The following STAT1 variants were observed in gnomAD, a reference collection of about 807,000 sequenced individuals.
The protein encoded by STAT1 is signal transducer and activator of transcription 1-alpha/beta.
STAT1 carries 24 observed loss-of-function variants against 111.7 expected under a neutral mutation model. The observed-to-expected ratio is 0.21, with a 90% CI of 0.16 to 0.30. STAT1 has a LOEUF of 0.30. Ranked by LOEUF, STAT1 falls within the 10% of genes least tolerant of loss-of-function variation. The probability of loss-of-function intolerance (pLI) is 1.00; values close to 1 mark genes in which losing one functional copy is unlikely to be tolerated. For synonymous variants in STAT1, 332 were observed against 326.5 expected (o/e 1.02, Z -0.18); for missense variants, 351 against 911.9 (o/e 0.38, Z 7.92).
rs1271983027 is a variant in STAT1 at position 191,003,080 on chromosome 2, G to C, written c.373-1917C>G. Among the ~76,000 whole-genome samples the C allele has an allele frequency of 6.6e-6, 1 of 152,020 alleles. No homozygotes were observed. The highest frequency in any genetic ancestry group is 1.5e-5 in the Non-Finnish European group (1 of 67,994). ...TATATTGATACTCATAAGTAAAATT[G>C]GTCCATAATTTTTTGTTTTATCTTT... On this transcript the variant is annotated intron_variant, in intron 5 of 24. Transcript: ENST00000361099. This position sits in a 1 kb window ranked among gnomAD's most constrained non-coding sequence, Gnocchi z 4.0.
At chr2:191,011,534 TC>T (rs1695116955) in intron 2 of STAT1, among the ~76,000 whole-genome samples, 1 of 152,158 alleles carries the variant, frequency 6.6e-6, no homozygotes, top group Non-Finnish European at 1.5e-5. Context: ...TCCTCCCACC[TC>T]AGCCTCCCAA....
At chr2:190,992,099 C>A (rs1693397437) in intron 10 of STAT1, among the ~76,000 whole-genome samples, 1 of 152,142 alleles carries the variant, frequency 6.6e-6, no homozygotes, top group African/African-American at 2.4e-5. Flanking sequence ...TAGTATGCAA[C>A]AAATTACAAT....
rs1691450759 is a variant in STAT1 at position 190,971,388 on chromosome 2, T to C, written c.2239-671A>G. 6.6e-6 allele frequency among the ~76,000 whole-genome samples: 1 copy of C among 152,160 alleles called. No individual in the cohort carries two copies. The highest frequency in any genetic ancestry group is 1.5e-5 in the Non-Finnish European group (1 of 68,026). ...GCTGAAGACATTGCTGATTGTCCCATCTGGCTGTGAGGGTGCATGTGCTTA... is the reference window on the plus strand; with the variant it reads ...GCTGAAGACATTGCTGATTGTCCCACCTGGCTGTGAGGGTGCATGTGCTTA... On this transcript the variant is annotated intron_variant, in intron 24 of 24. Transcript: ENST00000361099. This position sits in a 1 kb window ranked among gnomAD's most constrained non-coding sequence, Gnocchi z 4.1.
rs1431272774 is a variant in STAT1 at position 190,997,657 on chromosome 2, G to A, written c.785+199C>T. On this transcript the variant is annotated intron_variant, in intron 9 of 24. Transcript: ENST00000361099. The surrounding 1 kb of genome is among the most constrained non-coding windows in gnomAD (Gnocchi z 7.3). ...CAGGAGTGCTCCAAACCAAGCAGAC[G>A]TGGCTGAACGTGGCGAGAGTCATGA... is the stretch of plus-strand genomic sequence containing the variant. Among the ~76,000 whole-genome samples the A allele has an allele frequency of 2.0e-5, 3 of 152,130 alleles. No individual in the cohort carries two copies. Among genetic ancestry groups the A allele is most frequent in the Non-Finnish European group, 2.9e-5 (2 of 68,032 alleles).
Position 190,981,807 on chromosome 2 carries a change from A to G in STAT1, c.1582+576T>C, listed in dbSNP as rs1692415214. ...AGACTAGTGGATCTTTGATTTGTTTAGTATGAAGGACTAATAAATGCACTG... is the reference window on the plus strand; with the variant it reads ...AGACTAGTGGATCTTTGATTTGTTTGGTATGAAGGACTAATAAATGCACTG... On this transcript the variant is annotated intron_variant, in intron 18 of 24. Coordinates refer to ENST00000361099, the MANE Select transcript of STAT1 (RefSeq NM_007315.4). The surrounding 1 kb of genome is among the most constrained non-coding windows in gnomAD (Gnocchi z 4.1). 6.6e-6 allele frequency among the ~76,000 whole-genome samples: 1 copy of G among 152,270 alleles called. No homozygotes were observed. Among genetic ancestry groups the G allele is most frequent in the Non-Finnish European group, 1.5e-5 (1 of 68,050 alleles).
rs1390638967 is a variant in STAT1, at chr2:190,990,410, A to G, written c.1038-736T>C. Among the ~76,000 whole-genome samples the G allele has an allele frequency of 6.6e-6, 1 of 152,252 alleles. No homozygotes were observed. The highest frequency in any genetic ancestry group is 1.5e-5 in the Non-Finnish European group (1 of 68,042). ...AGGACCCGGGCCAACTATGAAGGCC[A>G]GTCCAGTTCTTCAGCGTCTAGCTAC... On this transcript the variant is annotated intron_variant, in intron 11 of 24. Coordinates refer to ENST00000361099, the MANE Select transcript of STAT1 (RefSeq NM_007315.4). This position sits in a 1 kb window ranked among gnomAD's most constrained non-coding sequence, Gnocchi z 5.1.
At chr2:191,013,908 T>C in intron 1 of STAT1, 110 bp downstream of exon 1, 1 of 366,926 alleles carries the variant, frequency 2.7e-6, no homozygotes. Flanking sequence ...GGATCACTAT[T>C]CGCGGGTCAG....
Position 190,976,224 on chromosome 2 carries a change from G to A in STAT1, c.2060-337C>T, listed in dbSNP as rs923727304. Among the ~76,000 whole-genome samples, 16 of 152,346 alleles carry A rather than the reference G, an allele frequency of 1.1e-4. No homozygotes were observed. Among genetic ancestry groups the A allele is most frequent in the Non-Finnish European group, 2.2e-4 (15 of 68,020 alleles). ...GTTTATTGGCATTAGCCTGGCTAAT[G>A]AATATTCACAGCTGTCAAGGTAAGC... is the stretch of plus-strand genomic sequence containing the variant. On this transcript the variant is annotated intron_variant, in intron 22 of 24. Transcript: ENST00000361099. This position sits in a 1 kb window ranked among gnomAD's most constrained non-coding sequence, Gnocchi z 6.0.
chr2:190,986,880 T>G lies in STAT1; in HGVS notation c.1195A>C (p.Ser399Arg). The G allele has an allele frequency of 1.2e-6, 2 of 1,614,236 alleles. No individual in the cohort carries two copies. Residue 399 changes from serine (S) to arginine (R), a missense_variant, in exon 14 of 25, where the codon AGT (serine) becomes CGT (arginine). By Grantham distance (110) the Ser-to-Arg change is moderately radical. Around this residue, in one of 7 missense-constraint regions of STAT1, gnomAD observed 23 missense variants for 123.1 expected, o/e 0.19. Coordinates refer to ENST00000361099, the MANE Select transcript of STAT1 (RefSeq NM_007315.4). This position sits in a 1 kb window ranked among gnomAD's most constrained non-coding sequence, Gnocchi z 5.0. ...AGGTGCCGAAATTCAGCCGCCAGAC[T>G]GCCATTGGTGGACTCCTCCATGTTC... is the stretch of plus-strand genomic sequence containing the variant. Reference protein sequence around the residue: ...VMNMEESTNGSLAAEFRHLQL... With the variant: ...VMNMEESTNGRLAAEFRHLQL...
chr2:190,983,739 G>A lies in STAT1; in HGVS notation c.1349C>T (p.Thr450Met), dbSNP rs527393923. The A allele has an allele frequency of 9.3e-6, 15 of 1,613,932 alleles. No homozygotes were observed. The African/African-American group carries it at 1.1e-4, about 11-fold the overall frequency. Residue 450 changes from threonine to methionine, a missense_variant and splice_region_variant, in exon 17 of 25, where the codon ACG (threonine) becomes ATG (methionine). Thr to Met is a moderately conservative substitution (Grantham distance 81). Coordinates refer to ENST00000361099, the MANE Select transcript of STAT1 (RefSeq NM_007315.4). This position sits in a 1 kb window ranked among gnomAD's most constrained non-coding sequence, Gnocchi z 5.7. ...CQPGLVIDLE[T>M]TSLPVVVISN... is the part of the protein sequence containing the mutation. ...GATCACCACAACGGGCAGAGAGGTC[G>A]TCTAAAGGATGACAAAGACCTTGAA...
chr2:191,007,665 G>C lies in STAT1; in HGVS notation c.274-4C>G, dbSNP rs377209172. On this transcript the variant is annotated splice_region_variant and splice_polypyrimidine_tract_variant and intron_variant, in intron 4 of 24. Transcript: ENST00000361099. This position sits in a 1 kb window ranked among gnomAD's most constrained non-coding sequence, Gnocchi z 4.2. ...TTGGGTCTTCCTGAAAATTATCCTA[G>C]ATTTGAGTGGTTAGAACAAAAATAA... 221 of 1,595,256 alleles carry C rather than the reference G, an allele frequency of 1.4e-4. No homozygotes were observed. Among genetic ancestry groups the C allele is most frequent in the Non-Finnish European group, 1.8e-4 (207 of 1,163,408 alleles).
rs1035917437 is a variant in STAT1 at position 191,007,088 on chromosome 2, T to G, written c.372+475A>C. ...TAATCCTTCAACATAAGGATCCTTCTATATTGGTATCACATCCAAAGCATA... is the reference window on the plus strand; with the variant it reads ...TAATCCTTCAACATAAGGATCCTTCGATATTGGTATCACATCCAAAGCATA... On this transcript the variant is annotated intron_variant, in intron 5 of 24. Coordinates refer to ENST00000361099, the MANE Select transcript of STAT1 (RefSeq NM_007315.4). The surrounding 1 kb of genome is among the most constrained non-coding windows in gnomAD (Gnocchi z 4.2). Among the ~76,000 whole-genome samples, 25 of 152,220 alleles carry G rather than the reference T, an allele frequency of 1.6e-4. No individual in the cohort carries two copies. The highest frequency in any genetic ancestry group is 6.0e-4 in the African/African-American group (25 of 41,452).
chr2:191,009,906 T>C lies in STAT1; in HGVS notation c.98A>G (p.Tyr33Cys). The change falls in exon 3 of 25, where the codon TAC (tyrosine) becomes TGC (cysteine). Residue 33 changes from tyrosine (Y) to cysteine (C), a missense_variant. Tyr to Cys is a radical substitution (Grantham distance 194, BLOSUM62 -2). Around this residue, in one of 7 missense-constraint regions of STAT1, gnomAD observed 44 missense variants for 144.2 expected, o/e 0.31. Coordinates refer to ENST00000361099, the MANE Select transcript of STAT1 (RefSeq NM_007315.4). ...TTGCTTTTCTAACCACTGTGCCAGG[T>C]ACTGTCTGATTTCCATGGGAAAACT... is the stretch of plus-strand genomic sequence containing the variant. ...DDSFPMEIRQ[Y>C]LAQWLEKQDW... 1 of 1,614,040 alleles carries C rather than the reference T, an allele frequency of 6.2e-7. No homozygotes were observed. Among genetic ancestry groups the C allele is most frequent in the East Asian group, 2.2e-5 (1 of 44,864 alleles).
At chr2:191,008,085 G>T (rs1410447087) in intron 4 of STAT1, 1 of 435,874 alleles carries the variant, frequency 2.3e-6, no homozygotes, top group Non-Finnish European at 4.6e-6. Context: ...AGGGTTTTCT[G>T]TTGCCATTGT....
Position 190,987,440 on chromosome 2 carries a change from T to C in STAT1, c.1098-372A>G, listed in dbSNP as rs1163836066. 5.3e-5 allele frequency among the ~76,000 whole-genome samples: 8 copies of C among 152,348 alleles called. No homozygotes were observed. The East Asian group carries it at 1.5e-3, about 29-fold the overall frequency. On this transcript the variant is annotated intron_variant, in intron 12 of 24. Coordinates refer to ENST00000361099, the MANE Select transcript of STAT1 (RefSeq NM_007315.4). The surrounding 1 kb of genome is among the most constrained non-coding windows in gnomAD (Gnocchi z 4.0). ...TCAATAAATGTTTAAGCTATCGTTA[T>C]TGTTTATTGAGCAGCTACTTGGTGC...
chr2:190,974,973 G>A lies in STAT1; in HGVS notation c.2136-41C>T. The A allele has an allele frequency of 2.1e-6, 3 of 1,427,590 alleles. No homozygotes were observed. Among genetic ancestry groups the A allele is most frequent in the East Asian group, 2.3e-5 (1 of 43,906 alleles). The allele number at this position is 1,427,590 out of a possible 1,614,324, so 88.4% of individuals were successfully genotyped here. A position where few individuals can be genotyped will look rare whatever the true frequency, so the allele number is the denominator to read the frequency against. ...AGAAAAGAGCAATGTCAACATCTGA[G>A]TGATGAAAGCACTAGTGCATACTTA... On this transcript the variant is annotated intron_variant, in intron 23 of 24. Coordinates refer to ENST00000361099, the MANE Select transcript of STAT1 (RefSeq NM_007315.4). This position sits in a 1 kb window ranked among gnomAD's most constrained non-coding sequence, Gnocchi z 4.8.
chr2:190,985,101 A>T (rs45594836), intron 15 of STAT1, among the ~76,000 whole-genome samples: 1 of 152,220 alleles, frequency 6.6e-6, no homozygotes, highest in Non-Finnish European at 1.5e-5. Flanking sequence ...ACAACTCCAG[A>T]TATTTCATCC....
chr2:190,981,883 T>C lies in STAT1; in HGVS notation c.1582+500A>G, dbSNP rs970983716. ...CTACCACTGTCTAGACTCTGTCCAATCAGGCAAAACTGCAGATCAAAAGAG... is the reference window on the plus strand; with the variant it reads ...CTACCACTGTCTAGACTCTGTCCAACCAGGCAAAACTGCAGATCAAAAGAG... On this transcript the variant is annotated intron_variant, in intron 18 of 24. Transcript: ENST00000361099. This position sits in a 1 kb window ranked among gnomAD's most constrained non-coding sequence, Gnocchi z 4.1. Among the ~76,000 whole-genome samples the C allele has an allele frequency of 6.6e-6, 1 of 152,176 alleles. No individual in the cohort carries two copies. The highest frequency in any genetic ancestry group is 2.4e-5 in the African/African-American group (1 of 41,436).
chr2:191,010,125 C>T, intron 2 of STAT1, 121 bp from the exon 3 acceptor site: 1 of 1,201,684 alleles, frequency 8.3e-7, no homozygotes, highest in Non-Finnish European at 1.2e-6. Flanking sequence ...ATAGTTTGTC[C>T]CAGGAATATT....
Sources: gnomAD v4.1 joint callset for allele counts (sites outside exome capture counted in the v4.1 genomes callset) on GRCh38, gnomAD v4.1.1 for gene constraint, gnomAD v4.1.1 regional missense constraint, Gnocchi (gnomAD v3.1) non-coding constraint, MANE v1.5 for transcripts, NCBI Gene and HGNC (gene_info 2026-07-23, HGNC 2026-07-21) for gene names.